MAST4: variants seen among roughly 807,000 people sequenced by gnomAD.
MAST4 encodes microtubule associated serine/threonine kinase family member 4.
In MAST4, 89 loss-of-function variants were observed where a neutral mutation model predicts 162.7. The ratio of observed to expected loss-of-function variants is 0.55; its 90% CI spans 0.46 to 0.65. The LOEUF (loss-of-function observed/expected upper bound fraction) is 0.65. Ranked by LOEUF, MAST4 falls within the 30% of genes least tolerant of loss-of-function variation. MAST4 has a pLI of 0.00. For synonymous variants in MAST4, 1,479 were observed against 1,361.1 expected, an observed-to-expected ratio of 1.09 and a Z score of -1.91; for missense variants, 3,153 against 3,374.0, an observed-to-expected ratio of 0.93 and a Z score of 1.62.
chr5:67,164,363 G>A lies in MAST4; in HGVS notation c.5184G>A (p.Gly1728=), dbSNP rs1172416288. ...LPGNPVRPTG[G]QQEPPPASES... Reference sequence around the variant, plus strand: ...GGAACCCAGTCCGACCCACGGGTGGGCAGCAGGAGCCCCCGCCGGCTTCTG... The same window carrying A: ...GGAACCCAGTCCGACCCACGGGTGGACAGCAGGAGCCCCCGCCGGCTTCTG... Residue 1728 remains glycine, a synonymous_variant, in exon 29 of 29, where the codon GGG becomes GGA. Coordinates refer to ENST00000403625, the MANE Select transcript of MAST4 (RefSeq NM_001164664.2). The surrounding 1 kb of genome is among the most constrained non-coding windows in gnomAD (Gnocchi z 5.3). 6.2e-7 allele frequency: 1 copy of A among 1,613,962 alleles called. No individual in the cohort carries two copies. The highest frequency in any genetic ancestry group is 8.5e-7 in the Non-Finnish European group (1 of 1,179,872).
intron 4 of MAST4, among the ~76,000 whole-genome samples, chr5:66,903,367 T>A (rs936341908): frequency 4.0e-5 from 6 of 149,116 alleles, no homozygotes; most frequent in Non-Finnish European, 8.9e-5. Context: ...TTCAAATTGC[T>A]TTAACCAAGT....
intron 4 of MAST4, among the ~76,000 whole-genome samples, chr5:66,988,647 T>C (rs1192292649): frequency 1.3e-5 from 2 of 152,156 alleles, no homozygotes; most frequent in African/African-American, 2.4e-5. Context: ...AAACTACTGA[T>C]ATTGTGGTTA....
In MAST4 at chr5:66,889,736, C is replaced by T. The variant is rs368632162; in HGVS notation, c.643-10215C>T. Among the ~76,000 whole-genome samples, 20 of 152,322 alleles carry T rather than the reference C, an allele frequency of 1.3e-4. No individual in the cohort carries two copies. The East Asian group carries it at 3.1e-3, about 23-fold the overall frequency. ...AGTGCACTTAAATAGTCATAGCTAA[C>T]ACGAAGGGTGCTCTTAGGTTTGGGA... is the stretch of plus-strand genomic sequence containing the variant. On this transcript the variant is annotated intron_variant, in intron 3 of 28. Coordinates refer to ENST00000403625, the MANE Select transcript of MAST4 (RefSeq NM_001164664.2).
chr5:66,841,720 A>C (rs1486763537), intron 3 of MAST4, among the ~76,000 whole-genome samples: 2 of 152,108 alleles, frequency 1.3e-5, no homozygotes, highest in African/African-American at 4.8e-5. Context: ...CACTTTGTGG[A>C]TTAGGGCATC....
rs374151139 is a variant in MAST4 at position 67,116,404 on chromosome 5, C to A, written c.1591+2185C>A. 1.2e-3 allele frequency among the ~76,000 whole-genome samples: 179 copies of A among 150,506 alleles called. 1 individual carries two copies. The highest frequency in any genetic ancestry group is 3.9e-3 in the African/African-American group (159 of 41,084). ...TATTTTTAGTAGAGATAAGGTTTCA[C>A]CATGTTGGCCAGGCTGGTCTTGAAC... On this transcript the variant is annotated intron_variant, in intron 12 of 28. Coordinates refer to ENST00000403625, the MANE Select transcript of MAST4 (RefSeq NM_001164664.2).
At chr5:66,886,649 C>A (rs918701323) in intron 3 of MAST4, among the ~76,000 whole-genome samples, 2 of 148,512 alleles carry the variant, frequency 1.3e-5, no homozygotes, top group African/African-American at 5.0e-5. Flanking sequence ...CACATACTTC[C>A]TGTGTAATTC....
chr5:66,987,137 G>A (rs1473688759), intron 4 of MAST4, among the ~76,000 whole-genome samples: 2 of 152,080 alleles, frequency 1.3e-5, no homozygotes, highest in Admixed American at 1.3e-4. Context: ...AGTCAAATAT[G>A]TATATAAGTA....
chr5:66,847,820 CAAAAAAAAAAA>C (rs777825639), intron 3 of MAST4, among the ~76,000 whole-genome samples: 1 of 54,146 alleles, frequency 1.8e-5, no homozygotes, highest in Admixed American at 2.7e-4. Flanking sequence ...GACTCCTTCT[CAAAAAAAAAAA>C]AAAAAAAAAA....
chr5:67,016,905 T>C (rs1753352504), intron 4 of MAST4, among the ~76,000 whole-genome samples: 3 of 152,218 alleles, frequency 2.0e-5, no homozygotes, highest in South Asian at 2.1e-4. Context: ...AAAAATTCTT[T>C]CTGATTATGG....
chr5:67,135,765 C>T (rs1027301701), intron 18 of MAST4, among the ~76,000 whole-genome samples: 2 of 152,188 alleles, frequency 1.3e-5, no homozygotes, highest in Non-Finnish European at 2.9e-5. Flanking sequence ...GTTCTTGATG[C>T]CTTACGGCTC....
At chr5:67,015,933 G>T (rs1753236136) in intron 4 of MAST4, among the ~76,000 whole-genome samples, 1 of 152,126 alleles carries the variant, frequency 6.6e-6, no homozygotes, top group South Asian at 2.1e-4. Flanking sequence ...CAGGGTCTGA[G>T]GATTTATCAC....
chr5:66,725,380 T>C (rs1238823236), intron 1 of MAST4, among the ~76,000 whole-genome samples: 1 of 133,416 alleles, frequency 7.5e-6, no homozygotes, highest in Non-Finnish European at 1.5e-5. Flanking sequence ...CTATGACTTG[T>C]TGTCAAATAA....
chr5:67,136,698 G>A, intron 19 of MAST4, 34 bp downstream of exon 19: 1 of 1,499,040 alleles, frequency 6.7e-7, no homozygotes, highest in South Asian at 1.2e-5. Context: ...TTGCTAATAT[G>A]CAAGAAATAA....
At chr5:67,102,902 T>C (rs190150780) in intron 9 of MAST4, among the ~76,000 whole-genome samples, 164 of 152,312 alleles carry the variant, frequency 1.1e-3, no homozygotes, top group African/African-American at 3.8e-3. Flanking sequence ...GGGTCTACTT[T>C]GAAAGGCCTC....
At chr5:66,849,719 G>A (rs902689771) in intron 3 of MAST4, among the ~76,000 whole-genome samples, 5 of 152,100 alleles carry the variant, frequency 3.3e-5, no homozygotes, top group African/African-American at 7.2e-5. Context: ...TCTTGCCCCC[G>A]TTACATCCCC....
intron 4 of MAST4, among the ~76,000 whole-genome samples, chr5:66,947,666 C>A (rs533117523): frequency 6.6e-6 from 1 of 152,264 alleles, no homozygotes; most frequent in African/African-American, 2.4e-5. Flanking sequence ...CTCCGACCTG[C>A]AAAGCATTTC....
chr5:67,123,447 A>G (rs1469279230), intron 14 of MAST4, among the ~76,000 whole-genome samples: 3 of 152,222 alleles, frequency 2.0e-5, no homozygotes, highest in Non-Finnish European at 4.4e-5. Flanking sequence ...AGCTGGTGCT[A>G]TGTGCCTGGC....
At chr5:67,099,213 G>A (rs557923724) in intron 7 of MAST4, among the ~76,000 whole-genome samples, 1 of 151,776 alleles carries the variant, frequency 6.6e-6, no homozygotes, top group African/African-American at 2.4e-5. Flanking sequence ...TTTAGTTCAT[G>A]TGTTTTATTT....
At position 66,959,439 on chromosome 5, in the gene MAST4, A is replaced by G. The variant is rs1038280615; in HGVS notation, c.674+59457A>G. 28 of 682,158 alleles carry G rather than the reference A, an allele frequency of 4.1e-5. No individual in the cohort carries two copies. The East Asian group carries it at 7.3e-4, about 18-fold the overall frequency. 42.3% of individuals were successfully genotyped at this position (682,158 alleles called of 1,614,324 possible). On this transcript the variant is annotated intron_variant, in intron 4 of 28. Coordinates refer to ENST00000403625, the MANE Select transcript of MAST4 (RefSeq NM_001164664.2). ...GAGGAACATGTCTTAAATGCATGGC[A>G]TTTGGTTTCAGCTAATGTGGACACC...
Sources: gnomAD v4.1 joint callset for allele counts (sites outside exome capture counted in the v4.1 genomes callset) on GRCh38, gnomAD v4.1.1 for gene constraint, Gnocchi (gnomAD v3.1) non-coding constraint, MANE v1.5 for transcripts, NCBI Gene and HGNC (gene_info 2026-07-23, HGNC 2026-07-21) for gene names.